CLCN6: variants seen among roughly 807,000 people sequenced by gnomAD.
CLCN6 encodes the protein H(+)/Cl(-) exchange transporter 6.
A neutral mutation model predicts 109.8 loss-of-function variants in CLCN6; 70 were observed. That is an observed-to-expected ratio of 0.64 (90% CI 0.53 to 0.78). The LOEUF is 0.78. CLCN6 is among the 30% of genes least tolerant of loss of function. The pLI is 0.00. For synonymous variants in CLCN6, 444 were observed against 447.8 expected, an observed-to-expected ratio of 0.99 and a Z score of 0.11; for missense variants, 984 against 1,142.3, an observed-to-expected ratio of 0.86 and a Z score of 2.00.
At chr1:11,830,764 TAC>T (rs1165865674) in intron 13 of CLCN6, among the ~76,000 whole-genome samples, 1 of 115,604 alleles carries the variant, frequency 8.7e-6, no homozygotes, top group Non-Finnish European at 1.8e-5. Context: ...TATATATATA[TAC>T]ACACACACAC....
intron 13 of CLCN6, among the ~76,000 whole-genome samples, chr1:11,831,406 C>T (rs1003537218): frequency 1.2e-4 from 18 of 151,888 alleles, no homozygotes; most frequent in Non-Finnish European, 1.9e-4. Context: ...CCGCCCACCT[C>T]GGCCTCCCAA....
At chr1:11,806,920 G>A (rs2100595112) in intron 1 of CLCN6, 1 of 565,148 alleles carries the variant, frequency 1.8e-6, no homozygotes, top group Non-Finnish European at 3.2e-6. Flanking sequence ...GTTATTTGGA[G>A]ACTATCAGTG....
chr1:11,806,856 C>T (rs1644520297), intron 1 of CLCN6: 1 of 431,444 alleles, frequency 2.3e-6, no homozygotes, highest in Admixed American at 4.0e-5. Context: ...TGCATTTTTA[C>T]CCCCCTTTTC....
chr1:11,821,126 A>T (rs1437031752), intron 5 of CLCN6, among the ~76,000 whole-genome samples: 1 of 152,086 alleles, frequency 6.6e-6, no homozygotes, highest in Non-Finnish European at 1.5e-5. Context: ...ATTTGACCAC[A>T]TCAAAGTACA....
At chr1:11,822,630 C>T in intron 5 of CLCN6, 65 bp from the exon 6 acceptor site, 1 of 932,994 alleles carries the variant, frequency 1.1e-6, no homozygotes, top group South Asian at 1.3e-5. Context: ...CAGCTGCACC[C>T]TCTCAAGTGA....
chr1:11,821,305 C>T (rs1644740369), intron 5 of CLCN6, among the ~76,000 whole-genome samples: 1 of 152,098 alleles, frequency 6.6e-6, no homozygotes, highest in Non-Finnish European at 1.5e-5. Flanking sequence ...CGCCTGTAAT[C>T]CCAGCACTTT....
intron 18 of CLCN6, 64 bp from the exon 19 acceptor site, chr1:11,836,935 G>A: frequency 1.3e-6 from 2 of 1,577,814 alleles, no homozygotes; most frequent in Admixed American, 1.7e-5. Flanking sequence ...AAATCCTTAA[G>A]CTCCATCAGT....
At chr1:11,831,020 A>ATG (rs1192482720) in intron 13 of CLCN6, among the ~76,000 whole-genome samples, 8 of 150,438 alleles carry the variant, frequency 5.3e-5, no homozygotes, top group Non-Finnish European at 1.2e-4. Context: ...TTTAGTAGAG[A>ATG]TGGTGTTTCA....
chr1:11,823,491 A>G (rs76823085), intron 6 of CLCN6, among the ~76,000 whole-genome samples: 41 of 150,618 alleles, frequency 2.7e-4, no homozygotes, highest in African/African-American at 8.3e-4. Flanking sequence ...AAAAAAAAAG[A>G]AAAAAAAGTG....
At chr1:11,814,615 G>A (rs1644644636) in intron 2 of CLCN6, among the ~76,000 whole-genome samples, 1 of 152,114 alleles carries the variant, frequency 6.6e-6, no homozygotes, top group Non-Finnish European at 1.5e-5. Flanking sequence ...AAATGTCTGT[G>A]GCATACCTGC....
intron 13 of CLCN6, among the ~76,000 whole-genome samples, chr1:11,831,706 C>T (rs1259883115): frequency 6.6e-6 from 1 of 152,144 alleles, no homozygotes; most frequent in Admixed American, 6.5e-5. Context: ...TTTTTAGAGA[C>T]AGGATCTCAC....
At position 11,833,593 on chromosome 1, in the gene CLCN6, T is replaced by C. The variant is rs1355812597; in HGVS notation, c.1327T>C (p.Phe443Leu). 6.2e-7 allele frequency: 1 copy of C among 1,614,056 alleles called. No homozygotes were observed. Among genetic ancestry groups the C allele is most frequent in the Non-Finnish European group, 8.5e-7 (1 of 1,180,032 alleles). The change falls in exon 14 of 23, where the codon TTC becomes CTC. Residue 443 changes from phenylalanine to leucine, a missense_variant. Phe to Leu is a conservative substitution (Grantham distance 22). Transcript: ENST00000346436. ...DTYNDMATLF[F>L]NPQESAILQL... ...CTACAATGACATGGCCACACTCTTC[T>C]TCAACCCGCAGGAGTCTGCCATCCT... is the stretch of plus-strand genomic sequence containing the variant.
Position 11,816,670 on chromosome 1 carries a change from G to C in CLCN6, c.269G>C (p.Cys90Ser), listed in dbSNP as rs1359730171. 2 of 1,612,436 alleles carry C rather than the reference G, an allele frequency of 1.2e-6. No homozygotes were observed. The highest frequency in any genetic ancestry group is 1.7e-6 in the Non-Finnish European group (2 of 1,179,288). ...ATGGTGGTGTTTGCCATTGGAGTCT[G>C]CACTGGCCTGGTGAGGAGGCAGGGC... ...KWMVVFAIGVCTGLVGLFVDF... is the reference protein window; with the variant it reads ...KWMVVFAIGVSTGLVGLFVDF... Residue 90 changes from cysteine (C) to serine (S), a missense_variant, in exon 4 of 23, where the codon TGC becomes TCC. By Grantham distance (112) the Cys-to-Ser change is moderately radical (BLOSUM62 -1). Coordinates refer to ENST00000346436, the MANE Select transcript of CLCN6 (RefSeq NM_001286.5).
intron 3 of CLCN6, 38 bp from the exon 4 acceptor site, chr1:11,816,577 A>G: frequency 1.3e-6 from 2 of 1,590,674 alleles, no homozygotes; most frequent in South Asian, 2.3e-5. Context: ...TGCCACCATA[A>G]CCCTGTAAAC....
At chr1:11,823,624 C>G (rs1020715148) in intron 6 of CLCN6, 83 bp from the exon 7 acceptor site, 181 of 1,586,840 alleles carry the variant, frequency 1.1e-4, no homozygotes, top group Non-Finnish European at 7.3e-5. Context: ...CCAGCTCTCC[C>G]TCTTCCGCCG....
intron 5 of CLCN6, among the ~76,000 whole-genome samples, chr1:11,821,087 C>CA (rs1262108683): frequency 0.014 from 1,425 of 102,010 alleles, 18 homozygotes; most frequent in Non-Finnish European, 0.021. Context: ...AAAACAACAA[C>CA]AAAAAAAAAA....
rs186659866 is a variant in CLCN6, at chr1:11,820,535, G to A, written c.346+981G>A. ...TAATCCCAGCATTTTGGGAGGCAGAGGCAGGCGGATCACAAGGTCAGGAGA... is the reference window on the plus strand; with the variant it reads ...TAATCCCAGCATTTTGGGAGGCAGAAGCAGGCGGATCACAAGGTCAGGAGA... On this transcript the variant is annotated intron_variant, in intron 5 of 22. Coordinates refer to ENST00000346436, the MANE Select transcript of CLCN6 (RefSeq NM_001286.5). The A allele has an allele frequency of 4.1e-4, 230 of 561,418 alleles. No individual in the cohort carries two copies. In the East Asian group the frequency reaches 6.6e-3, roughly 16 times the overall value. The allele number at this position is 561,418 out of a possible 1,614,324, so 34.8% of individuals were successfully genotyped here.
rs772645278 is a variant in CLCN6 at position 11,840,256 on chromosome 1, G to T, written c.*33G>T. 3.5e-5 allele frequency: 55 copies of T among 1,584,830 alleles called. No homozygotes were observed. The highest frequency in any genetic ancestry group is 4.6e-5 in the Non-Finnish European group (53 of 1,157,986). On this transcript the variant is annotated 3_prime_UTR_variant, in exon 23 of 23. Coordinates refer to ENST00000346436, the MANE Select transcript of CLCN6 (RefSeq NM_001286.5). ...GCCCACCCTCTCCTGGTGCTGCCTG[G>T]GGAGGCAAATCATGCTCACTCCGGC...
rs1404616873 is a variant in CLCN6 at position 11,828,570 on chromosome 1, A to G, written c.1067A>G (p.Lys356Arg). 3.7e-6 allele frequency: 6 copies of G among 1,614,022 alleles called. No individual in the cohort carries two copies. The highest frequency in any genetic ancestry group is 3.3e-5 in the Admixed American group (2 of 59,990). Residue 356 changes from lysine to arginine, a missense_variant, in exon 12 of 23, where the codon AAG (lysine) becomes AGG (arginine). Lys to Arg is a conservative substitution (Grantham distance 26). Transcript: ENST00000346436. ...LLGATFNCLN[K>R]RLAKYRMRNV... ...GGAGCCACATTCAACTGTCTGAACAAGAGGCTTGCAAAGTACCGTATGCGA... is the reference window on the plus strand; with the variant it reads ...GGAGCCACATTCAACTGTCTGAACAGGAGGCTTGCAAAGTACCGTATGCGA...
Sources: allele counts gnomAD v4.1 joint callset (sites outside exome capture counted in the v4.1 genomes callset), GRCh38; gene constraint gnomAD v4.1.1; transcripts MANE v1.5; gene names NCBI Gene and HGNC (gene_info 2026-07-23, HGNC 2026-07-21).